GRIN2A: variants seen among roughly 807,000 people sequenced by gnomAD.
GRIN2A encodes glutamate ionotropic receptor NMDA type subunit 2A, also known as glutamate receptor ionotropic, NMDA 2A.
GRIN2A carries 22 observed loss-of-function variants against 113.4 expected under a neutral mutation model. The observed-to-expected ratio is 0.19, with a 90% CI of 0.14 to 0.28. The LOEUF (loss-of-function observed/expected upper bound fraction) is 0.28, where lower values mean the gene tolerates loss of function less well. Among genes scored for constraint, GRIN2A ranks in the 10% least tolerant of loss-of-function variants. GRIN2A has a pLI of 1.00. For missense variants in GRIN2A, 1,502 were observed against 1,887.0 expected (o/e 0.80, Z 3.78); for synonymous variants, 827 against 738.4 (o/e 1.12, Z -1.94).
rs2042548044 is a variant in GRIN2A at position 9,834,226 on chromosome 16, T to C, written c.1656A>G (p.Pro552=). 1 of 1,613,828 alleles carries C rather than the reference T, an allele frequency of 6.2e-7. No individual in the cohort carries two copies. The highest frequency in any genetic ancestry group is 1.3e-5 in the African/African-American group (1 of 74,910). The change falls in exon 8 of 13, where the codon CCA becomes CCG. Residue 552 remains proline, a synonymous_variant. Transcript: ENST00000330684. Reference sequence around the variant, plus strand: ...TCATCACCCAGACAGAGGCGCTGAATGGTTCTGCAAATAAACAGATAAAGG... The same window carrying C: ...TCATCACCCAGACAGAGGCGCTGAACGGTTCTGCAAATAAACAGATAAAGG... The part of the protein sequence containing the change: ...GTVSPSAFLE[P]FSASVWVMMF...
chr16:9,767,606 C>G (rs1325523893), intron 12 of GRIN2A, among the ~76,000 whole-genome samples: 2 of 150,078 alleles, frequency 1.3e-5, no homozygotes, highest in Non-Finnish European at 3.0e-5. Flanking sequence ...ACAAACAAAA[C>G]AAAAAAACAA....
intron 2 of GRIN2A, among the ~76,000 whole-genome samples, chr16:10,092,229 A>G (rs186227743): frequency 2.6e-5 from 4 of 152,352 alleles, no homozygotes; most frequent in Admixed American, 2.0e-4. Context: ...TAATTTTTTT[A>G]GAGTGGCATA....
rs529435763 is a variant in GRIN2A at position 9,951,275 on chromosome 16, T to TC, written c.415-12725dup. On this transcript the variant is annotated intron_variant, in intron 2 of 12. Coordinates refer to ENST00000330684, the MANE Select transcript of GRIN2A (RefSeq NM_001134407.3). ...GCATAATATTCTGCTCGCAAATCAC[T>TC]CCCCCCACTGAAGCTAACACAATAC... is the stretch of plus-strand genomic sequence containing the variant. 3.9e-5 allele frequency among the ~76,000 whole-genome samples: 6 copies of TC among 152,124 alleles called. No individual in the cohort carries two copies. The South Asian group carries it at 6.2e-4, about 16-fold the overall frequency.
At chr16:9,985,205 C>T (rs1218616938) in intron 2 of GRIN2A, among the ~76,000 whole-genome samples, 1 of 152,132 alleles carries the variant, frequency 6.6e-6, no homozygotes, top group African/African-American at 2.4e-5. Flanking sequence ...TAAGAACAAA[C>T]CTAATGATGT....
intron 2 of GRIN2A, among the ~76,000 whole-genome samples, chr16:9,950,135 T>C (rs2045142721): frequency 6.6e-6 from 1 of 152,190 alleles, no homozygotes; most frequent in African/African-American, 2.4e-5. Context: ...ATTCCTTCTC[T>C]ATCAAAACCC....
intron 2 of GRIN2A, among the ~76,000 whole-genome samples, chr16:10,052,227 C>T (rs1038837526): frequency 6.6e-6 from 1 of 152,214 alleles, no homozygotes; most frequent in Admixed American, 6.5e-5. Flanking sequence ...AGCTCTTCTC[C>T]ATCTGGAATA....
At position 9,754,519 on chromosome 16, in the gene GRIN2A, C is replaced by T. The variant is rs567944117; in HGVS notation, c.*8630G>A. On this transcript the variant is annotated 3_prime_UTR_variant, in exon 13 of 13. Coordinates refer to ENST00000330684, the MANE Select transcript of GRIN2A (RefSeq NM_001134407.3). ...ATCTTTTCAAATTCATCAAAAATTT[C>T]AAACAAGATCACCTGGATTTGGCTC... 2.4e-5 allele frequency: 5 copies of T among 212,262 alleles called. No individual in the cohort carries two copies. The South Asian group carries it at 9.4e-4, about 40-fold the overall frequency. 13.1% of individuals were successfully genotyped at this position (212,262 alleles called of 1,614,324 possible). A position where few individuals can be genotyped will look rare whatever the true frequency, so the allele number is the denominator to read the frequency against.
chr16:10,157,617 T>A (rs537627820), intron 2 of GRIN2A, among the ~76,000 whole-genome samples: 1 of 151,966 alleles, frequency 6.6e-6, no homozygotes, highest in African/African-American at 2.4e-5. Context: ...AGTGTGAGCA[T>A]GCAGGAAAGA....
intron 2 of GRIN2A, among the ~76,000 whole-genome samples, chr16:10,041,674 A>G (rs1379352640): frequency 1.3e-5 from 2 of 152,168 alleles, no homozygotes; most frequent in African/African-American, 2.4e-5. Flanking sequence ...TAAAGATAAT[A>G]TATGTTCAGT....
intron 3 of GRIN2A, among the ~76,000 whole-genome samples, chr16:9,896,501 A>G (rs2043810332): frequency 6.6e-6 from 1 of 152,222 alleles, no homozygotes; most frequent in Admixed American, 6.5e-5. Flanking sequence ...TGGAATTAGC[A>G]GAGTGATTAC....
At chr16:9,885,837 C>A (rs1024787932) in intron 4 of GRIN2A, among the ~76,000 whole-genome samples, 1 of 152,176 alleles carries the variant, frequency 6.6e-6, no homozygotes, top group Non-Finnish European at 1.5e-5. Context: ...CCCCTGAGTG[C>A]CAAGAGGATA....
intron 2 of GRIN2A, among the ~76,000 whole-genome samples, chr16:10,022,331 A>T (rs748769904): frequency 1.3e-5 from 2 of 150,926 alleles, no homozygotes; most frequent in Non-Finnish European, 2.9e-5. Flanking sequence ...ACACGCACAC[A>T]CGCAAGCACG....
intron 2 of GRIN2A, among the ~76,000 whole-genome samples, chr16:10,005,417 A>AT (rs2046389135): frequency 6.6e-6 from 1 of 152,154 alleles, no homozygotes; most frequent in Non-Finnish European, 1.5e-5. Context: ...ATTAACTGCT[A>AT]TTTTTCAATC....
rs193250627 is a variant in GRIN2A at position 9,770,011 on chromosome 16, A to G, written c.2357-922T>C. 2.0e-3 allele frequency among the ~76,000 whole-genome samples: 311 copies of G among 152,324 alleles called. 5 individuals are homozygous for G. The highest frequency in any genetic ancestry group is 0.019 in the Admixed American group (285 of 15,292). Reference sequence around the variant, plus strand: ...CCCAACTTCAGTAGGCAATTAAAGAACCAGGTGGTTTTTTCCAATGGGGGG... The same window carrying G: ...CCCAACTTCAGTAGGCAATTAAAGAGCCAGGTGGTTTTTTCCAATGGGGGG... On this transcript the variant is annotated intron_variant, in intron 11 of 12. Transcript: ENST00000330684.
intron 7 of GRIN2A, among the ~76,000 whole-genome samples, chr16:9,834,435 G>T (rs2042552009): frequency 1.3e-5 from 2 of 152,132 alleles, no homozygotes; most frequent in African/African-American, 2.4e-5. Flanking sequence ...AGGCTGGAGT[G>T]CAGTGGCACA....
chr16:10,147,903 C>G (rs1373557102), intron 2 of GRIN2A, among the ~76,000 whole-genome samples: 3 of 152,170 alleles, frequency 2.0e-5, no homozygotes, highest in African/African-American at 7.2e-5. Flanking sequence ...TCAGGTGTGG[C>G]CACGACGGTG....
At chr16:10,160,647 GT>G (rs2049791663) in intron 2 of GRIN2A, among the ~76,000 whole-genome samples, 3 of 152,208 alleles carry the variant, frequency 2.0e-5, no homozygotes, top group Non-Finnish European at 4.4e-5. Context: ...GATTTTGGCT[GT>G]TTTAATGAAT....
rs191720054 is a variant in GRIN2A, at chr16:9,975,558, G to T, written c.415-37007C>A. 2.0e-5 allele frequency among the ~76,000 whole-genome samples: 3 copies of T among 152,250 alleles called. No individual in the cohort carries two copies. In the East Asian group the frequency reaches 5.8e-4, roughly 29 times the overall value. ...GGGAACCTCAGTTCCACAACTCTTC[G>T]GTTTGTGAATCATTCGTCACAGCAG... On this transcript the variant is annotated intron_variant, in intron 2 of 12. Coordinates refer to ENST00000330684, the MANE Select transcript of GRIN2A (RefSeq NM_001134407.3).
intron 2 of GRIN2A, among the ~76,000 whole-genome samples, chr16:10,022,142 C>A (rs1048106024): frequency 6.6e-6 from 1 of 150,894 alleles, no homozygotes; most frequent in African/African-American, 2.4e-5. Flanking sequence ...AGGCACACAT[C>A]AAAATACCAC....
Sources: gnomAD v4.1 joint callset for allele counts (sites outside exome capture counted in the v4.1 genomes callset) on GRCh38, gnomAD v4.1.1 for gene constraint, MANE v1.5 for transcripts, NCBI Gene and HGNC (gene_info 2026-07-23, HGNC 2026-07-21) for gene names.